Variants in CHLSN observed in about 807,000 individuals in gnomAD.
CHLSN encodes the protein cholesin.
At chr7:985,281 C>T in the CHLSN span, 1 of 1,551,748 alleles carries the variant, frequency 6.4e-7, no homozygotes, top group Non-Finnish European at 8.7e-7. Flanking sequence ...TGCTGGGTCT[C>T]ATCGATGAGG....
the CHLSN span, chr7:1,056,406 T>C: frequency 6.6e-6 from 1 of 152,462 alleles, no homozygotes; most frequent in Non-Finnish European, 1.5e-5. Context: ...TTCACCAGGA[T>C]TGCACAATGA....
At chr7:1,092,000 T>C in the CHLSN span, 1 of 1,614,010 alleles carries the variant, frequency 6.2e-7, no homozygotes, top group East Asian at 2.2e-5. Context: ...CGCGAGAAGA[T>C]GACCATCCCC....
chr7:1,032,804 G>A, the CHLSN span, among the ~76,000 whole-genome samples: 16,468 of 152,290 alleles, frequency 0.11, 1,165 homozygotes, highest in Middle Eastern at 0.2. Flanking sequence ...GGTCGGAGTC[G>A]CCAGAAAGCA....
chr7:984,587 C>T, the CHLSN span: 1 of 1,557,392 alleles, frequency 6.4e-7, no homozygotes. Flanking sequence ...CGGTGTGTGG[C>T]CGGCGCTACG....
chr7:1,077,800 T>C, the CHLSN span: 53,244 of 152,200 alleles, frequency 0.35, 9,637 homozygotes, highest in African/African-American at 0.41. Flanking sequence ...ACAGAACAAC[T>C]GAAGGAAGCG....
At chr7:1,068,324 C>T in the CHLSN span, among the ~76,000 whole-genome samples, 2 of 152,150 alleles carry the variant, frequency 1.3e-5, no homozygotes, top group Non-Finnish European at 2.9e-5. Context: ...GACAAACCAC[C>T]CCTCAGACCT....
At chr7:1,084,039 G>A in the CHLSN span, among the ~76,000 whole-genome samples, 6 of 152,256 alleles carry the variant, frequency 3.9e-5, no homozygotes, top group Admixed American at 1.3e-4. Flanking sequence ...GACATGGCAA[G>A]TCTGTCTGAG....
At chr7:1,057,970 G>A in the CHLSN span, 7 of 771,180 alleles carry the variant, frequency 9.1e-6, no homozygotes, top group East Asian at 1.7e-4. Flanking sequence ...GGCTTCGTGT[G>A]GGGTGGCGCG....
the CHLSN span, among the ~76,000 whole-genome samples, chr7:1,116,367 G>A: frequency 7.6e-6 from 1 of 131,938 alleles, no homozygotes; most frequent in African/African-American, 3.0e-5. Flanking sequence ...TACAGCTCTA[G>A]GGACAGCTTC....
chr7:1,074,884 G>A, the CHLSN span: 1 of 152,528 alleles, frequency 6.6e-6, no homozygotes, highest in Non-Finnish European at 1.5e-5. Flanking sequence ...GAGAGCAGAG[G>A]GCAAGGTGGG....
chr7:1,078,419 C>A, the CHLSN span, among the ~76,000 whole-genome samples: 4 of 152,080 alleles, frequency 2.6e-5, no homozygotes, highest in African/African-American at 9.7e-5. Flanking sequence ...CCCCATGAGG[C>A]CTGGGAAGGG....
chr7:1,133,785 C>T, the CHLSN span, among the ~76,000 whole-genome samples: 1 of 149,296 alleles, frequency 6.7e-6, no homozygotes, highest in African/African-American at 2.5e-5. Context: ...TGCTACTTTA[C>T]GATAAATAAA....
At chr7:1,024,743 G>A in the CHLSN span, 1 of 152,214 alleles carries the variant, frequency 6.6e-6, no homozygotes, top group Admixed American at 6.5e-5. Flanking sequence ...GGCTGACTGA[G>A]TGGGGGAGCA....
At chr7:1,090,093 A>C in the CHLSN span, among the ~76,000 whole-genome samples, 2 of 152,126 alleles carry the variant, frequency 1.3e-5, no homozygotes, top group African/African-American at 4.8e-5. Context: ...CAAAACAATA[A>C]CTCCTAATGA....
At chr7:994,308 C>T in the CHLSN span, among the ~76,000 whole-genome samples, 1 of 152,010 alleles carries the variant, frequency 6.6e-6, no homozygotes, top group East Asian at 1.9e-4. Context: ...CTACAGGCGC[C>T]CACCACCACA....
chr7:1,031,904 G>A, the CHLSN span, among the ~76,000 whole-genome samples: 3 of 152,174 alleles, frequency 2.0e-5, no homozygotes, highest in Admixed American at 6.5e-5. Flanking sequence ...AACACCACCC[G>A]GGGAACGGGC....
chr7:988,370 G>T, the CHLSN span: 33 of 1,612,536 alleles, frequency 2.0e-5, no homozygotes, highest in Non-Finnish European at 2.8e-5. Flanking sequence ...TTTCCTGGAC[G>T]CGAATGGGCA....
At chr7:1,005,861 C>G in the CHLSN span, among the ~76,000 whole-genome samples, 1 of 152,190 alleles carries the variant, frequency 6.6e-6, no homozygotes, top group East Asian at 1.9e-4. Context: ...GTGGGGGCAC[C>G]ACCTCCCGCC....
At chr7:1,096,572 C>T in the CHLSN span, among the ~76,000 whole-genome samples, 1 of 152,202 alleles carries the variant, frequency 6.6e-6, no homozygotes, top group Non-Finnish European at 1.5e-5. The surrounding 1 kb of genome is among the most constrained non-coding windows in gnomAD (Gnocchi z 4.6). Context: ...TTTTGGCAGG[C>T]CCACGGTGAG....
Sources: gnomAD v4.1 joint callset for allele counts (sites outside exome capture counted in the v4.1 genomes callset) on GRCh38, gnomAD v4.1.1 for gene constraint, Gnocchi (gnomAD v3.1) non-coding constraint, MANE v1.5 for transcripts, NCBI Gene and HGNC (gene_info 2026-07-23, HGNC 2026-07-21) for gene names.